The following AMOTL1 variants were observed in gnomAD, a reference collection of about 807,000 sequenced individuals.
AMOTL1 encodes angiomotin like 1, also known as angiomotin-like protein 1.
AMOTL1 carries 45 observed loss-of-function variants against 102.9 expected under a neutral mutation model. The observed-to-expected ratio is 0.44, with a 90% CI of 0.34 to 0.56. AMOTL1 has a LOEUF of 0.56. AMOTL1 is among the 20% of genes least tolerant of loss of function. The pLI, the probability that AMOTL1 is intolerant of heterozygous loss-of-function variation, is 0.01. For missense variants in AMOTL1, 1,114 were observed against 1,225.6 expected, an observed-to-expected ratio of 0.91 and a Z score of 1.36; for synonymous variants, 481 against 484.7, an observed-to-expected ratio of 0.99 and a Z score of 0.10.
At chr11:94,864,441 G>A (rs1364393593) in intron 9 of AMOTL1, among the ~76,000 whole-genome samples, 1 of 152,170 alleles carries the variant, frequency 6.6e-6, no homozygotes, top group African/African-American at 2.4e-5. Flanking sequence ...AGTTAAGGAA[G>A]AGAATTGGAC....
At chr11:94,715,872 G>C (rs1253350156) in intron 1 of AMOTL1, among the ~76,000 whole-genome samples, 1 of 151,988 alleles carries the variant, frequency 6.6e-6, no homozygotes, top group Non-Finnish European at 1.5e-5. Context: ...GGTTCACTTG[G>C]CTTCTTGAAT....
In AMOTL1 at chr11:94,756,694, C is replaced by G. The variant is rs75514242; in HGVS notation, c.136+15706C>G. 2.3e-3 allele frequency among the ~76,000 whole-genome samples: 350 copies of G among 152,256 alleles called. 9 individuals are homozygous for G. In the East Asian group the frequency reaches 0.056, roughly 24 times the overall value. On this transcript the variant is annotated intron_variant, in intron 3 of 4. Transcript: ENST00000299004. ...AGATTTTGAAATATTTGAAGGTTGT[C>G]ATTATTATTATGTCTTAATCTTCTC...
At position 94,813,292 on chromosome 11, in the gene AMOTL1, C is replaced by G. The variant is rs569326754; in HGVS notation, c.1122-8238C>G. Among the ~76,000 whole-genome samples the G allele has an allele frequency of 2.0e-5, 3 of 152,294 alleles. No homozygotes were observed. In the South Asian group the frequency reaches 6.2e-4, roughly 32 times the overall value. ...GGCCTCAGAATAAGTCCAGCAGATCCTAACAGAATAATTAGCCTCAGGCCT... is the reference window on the plus strand; with the variant it reads ...GGCCTCAGAATAAGTCCAGCAGATCGTAACAGAATAATTAGCCTCAGGCCT... On this transcript the variant is annotated intron_variant, in intron 3 of 12. Transcript: ENST00000433060.
chr11:94,749,415 C>G (rs1426162977), intron 3 of AMOTL1, among the ~76,000 whole-genome samples: 1 of 152,188 alleles, frequency 6.6e-6, no homozygotes, highest in Non-Finnish European at 1.5e-5. Context: ...CAGATCTTCC[C>G]CACTCAGTCT....
chr11:94,761,610 C>G (rs916029212), intron 3 of AMOTL1, among the ~76,000 whole-genome samples: 9 of 152,218 alleles, frequency 5.9e-5, no homozygotes, highest in Non-Finnish European at 1.3e-4. Context: ...GATACTGGCT[C>G]TATGGCTGAG....
chr11:94,864,736 G>A lies in AMOTL1; in HGVS notation c.2137G>A (p.Asp713Asn). 3.1e-6 allele frequency: 5 copies of A among 1,613,130 alleles called. No homozygotes were observed. The highest frequency in any genetic ancestry group is 4.2e-6 in the Non-Finnish European group (5 of 1,179,362). ...AAACGCATATCCTTGTGTTGCCAGG[G>A]ACACCACGATCATCAACCACTCACG... Reference protein sequence around the residue: ...NAAATAAAERDTTIINHSRNG... With the variant: ...NAAATAAAERNTTIINHSRNG... The change falls in exon 10 of 13, where the codon GAC (aspartate) becomes AAC (asparagine). Residue 713 changes from aspartate (D) to asparagine (N), a missense_variant and splice_region_variant. By Grantham distance (23) the Asp-to-Asn change is conservative (BLOSUM62 1). Coordinates refer to ENST00000433060, the MANE Select transcript of AMOTL1 (RefSeq NM_130847.3).
intron 8 of AMOTL1, among the ~76,000 whole-genome samples, chr11:94,857,383 G>T (rs1260284138): frequency 2.0e-5 from 3 of 152,160 alleles, no homozygotes; most frequent in African/African-American, 7.2e-5. Context: ...TGAAAACAAG[G>T]TCAACAGAAG....
At chr11:94,813,373 T>C (rs1328118507) in intron 3 of AMOTL1, among the ~76,000 whole-genome samples, 2 of 152,212 alleles carry the variant, frequency 1.3e-5, no homozygotes, top group African/African-American at 4.8e-5. Flanking sequence ...GTTTCCCAGC[T>C]GGATTTCCTT....
intron 6 of AMOTL1, among the ~76,000 whole-genome samples, chr11:94,843,271 T>C (rs1406847079): frequency 2.0e-5 from 3 of 152,208 alleles, no homozygotes; most frequent in East Asian, 3.8e-4. Flanking sequence ...ATAAGCCTCA[T>C]GTGAATAGAT....
chr11:94,863,330 C>T (rs111786956), intron 9 of AMOTL1, among the ~76,000 whole-genome samples: 2,586 of 150,726 alleles, frequency 0.017, 77 homozygotes, highest in African/African-American at 0.06. Flanking sequence ...CGGTGGCTCA[C>T]GTCTGTAATC....
At chr11:94,739,468 C>T (rs1950486183) in intron 2 of AMOTL1, among the ~76,000 whole-genome samples, 1 of 152,168 alleles carries the variant, frequency 6.6e-6, no homozygotes, top group African/African-American at 2.4e-5. Context: ...GCCGAAGGGG[C>T]TTTCTGTCCT....
chr11:94,874,340 G>A lies in AMOTL1; in HGVS notation c.*3545G>A, dbSNP rs1358899284. ...TCTGCCTCCCAGAGGCTGGCAGCCA[G>A]TGACACTGCAGAGTTCAGCATGTTC... On this transcript the variant is annotated 3_prime_UTR_variant, in exon 13 of 13. Coordinates refer to ENST00000433060, the MANE Select transcript of AMOTL1 (RefSeq NM_130847.3). The A allele has an allele frequency of 6.6e-6, 1 of 152,268 alleles. No individual in the cohort carries two copies. The highest frequency in any genetic ancestry group is 2.4e-5 in the African/African-American group (1 of 41,464). The allele number at this position is 152,268 out of a possible 1,614,324, so 9.4% of individuals were successfully genotyped here.
In AMOTL1 at chr11:94,789,302, G is replaced by T. The variant is rs182864809; in HGVS notation, c.50-5709G>T. On this transcript the variant is annotated intron_variant, in intron 1 of 12. Transcript: ENST00000433060. ...GCCTCCCGAGTAGCTGAGACTACAG[G>T]TGCCCGCCACCATGCCTGGCTAATT... Among the ~76,000 whole-genome samples, 143 of 152,222 alleles carry T rather than the reference G, an allele frequency of 9.4e-4. No homozygotes were observed. In the Middle Eastern group the frequency reaches 0.01, roughly 11 times the overall value.
At chr11:94,828,656 G>A (rs906288605) in intron 4 of AMOTL1, among the ~76,000 whole-genome samples, 7 of 152,104 alleles carry the variant, frequency 4.6e-5, no homozygotes, top group South Asian at 2.1e-4. Context: ...TTTCTGTATC[G>A]TTGGCATCTG....
intron 7 of AMOTL1, 120 bp downstream of exon 7, chr11:94,850,379 G>C: frequency 7.8e-7 from 1 of 1,287,194 alleles, no homozygotes; most frequent in Non-Finnish European, 1.0e-6. Flanking sequence ...TTGAGACAGG[G>C]GAGGGATATG....
intron 1 of AMOTL1, among the ~76,000 whole-genome samples, chr11:94,777,835 G>A (rs987850756): frequency 4.6e-5 from 7 of 152,170 alleles, no homozygotes; most frequent in Non-Finnish European, 7.3e-5. Flanking sequence ...AATATCTGTT[G>A]AGTGAATAAC....
At chr11:94,855,581 GA>G (rs1952646221) in intron 8 of AMOTL1, among the ~76,000 whole-genome samples, 2 of 152,086 alleles carry the variant, frequency 1.3e-5, no homozygotes, top group South Asian at 4.1e-4. Context: ...TCGGTTCTTA[GA>G]GCACATAAAG....
At chr11:94,733,644 T>A (rs563005877) in intron 2 of AMOTL1, among the ~76,000 whole-genome samples, 22 of 152,258 alleles carry the variant, frequency 1.4e-4, no homozygotes, top group Non-Finnish European at 2.5e-4. Flanking sequence ...AAATATAAGA[T>A]CATGGTCTCT....
intron 11 of AMOTL1, among the ~76,000 whole-genome samples, chr11:94,868,970 CA>C (rs1442699838): frequency 1.3e-5 from 2 of 148,438 alleles, no homozygotes; most frequent in African/African-American, 5.0e-5. Context: ...AAAAAACACA[CA>C]AAAAAAACCT....
Sources: allele counts gnomAD v4.1 joint callset (sites outside exome capture counted in the v4.1 genomes callset), GRCh38; gene constraint gnomAD v4.1.1; transcripts MANE v1.5; gene names NCBI Gene and HGNC (gene_info 2026-07-23, HGNC 2026-07-21).